Variants in ZNF649 observed in about 807,000 individuals in gnomAD.
ZNF649 encodes the protein zinc finger protein 649.
A neutral mutation model predicts 14.1 loss-of-function variants in ZNF649; 7 were observed. The ratio of observed to expected loss-of-function variants is 0.49; its 90% CI spans 0.28 to 0.93. The LOEUF (loss-of-function observed/expected upper bound fraction) is 0.93. ZNF649 is among the 40% of genes least tolerant of loss of function. ZNF649 has a pLI of 0.10. For synonymous variants in ZNF649, 227 were observed against 212.3 expected (o/e 1.07, Z -0.60); for missense variants, 544 against 608.1 (o/e 0.89, Z 1.11).
chr19:51,899,762 T>C, intron 2 of ZNF649: 1 of 271,982 alleles, frequency 3.7e-6, no homozygotes, highest in Admixed American at 5.3e-5. Flanking sequence ...ACGGACCCGC[T>C]TTCTCCTCAG....
chr19:51,903,072 G>C (rs73934699), intron 1 of ZNF649, among the ~76,000 whole-genome samples: 13,330 of 151,828 alleles, frequency 0.088, 1,839 homozygotes, highest in African/African-American at 0.29. Context: ...AGATGAAGAG[G>C]CAGATGGAAG....
At position 51,891,549 on chromosome 19, in the gene ZNF649, T is replaced by C. The variant is rs766553319; in HGVS notation, c.587A>G (p.His196Arg). The change falls in exon 5 of 5, where the codon CAT becomes CGT. Residue 196 changes from histidine (H) to arginine (R), a missense_variant. Transcript: ENST00000354957. The surrounding 1 kb of genome is among the most constrained non-coding windows in gnomAD (Gnocchi z 4.2). ...AFLKKSQLTE[H>R]KRIHTGKKPH... ...TTTCTTTCCTGTATGAATTCTCTTA[T>C]GCTCAGTGAGCTGAGACTTCTTGAG... is the stretch of plus-strand genomic sequence containing the variant. The C allele has an allele frequency of 7.4e-6, 12 of 1,614,160 alleles. No homozygotes were observed. The highest frequency in any genetic ancestry group is 1.0e-5 in the Non-Finnish European group (12 of 1,180,062).
chr19:51,903,405 C>CCAGT (rs1368584854), intron 1 of ZNF649, among the ~76,000 whole-genome samples: 2 of 152,166 alleles, frequency 1.3e-5, no homozygotes, highest in African/African-American at 4.8e-5. Context: ...CCAGAAGCCC[C>CCAGT]CAGTCACCAG....
Position 51,898,344 on chromosome 19 carries a change from C to A in ZNF649, c.16-1366G>T, listed in dbSNP as rs77067932. ...ACACTTCTGTCCAACTTGACCACAA[C>A]TGGAGGTTGCCACAACCTCCCTGCT... On this transcript the variant is annotated intron_variant, in intron 2 of 4. Transcript: ENST00000354957. Among the ~76,000 whole-genome samples the A allele has an allele frequency of 8.9e-3, 1,359 of 152,304 alleles. 26 individuals carry two copies. The highest frequency in any genetic ancestry group is 0.031 in the African/African-American group (1,280 of 41,574).
chr19:51,891,536 A>T lies in ZNF649; in HGVS notation c.600T>A (p.His200Gln). The change falls in exon 5 of 5, where the codon CAT (histidine) becomes CAA (glutamine). Residue 200 changes from histidine to glutamine, a missense_variant. Coordinates refer to ENST00000354957, the MANE Select transcript of ZNF649 (RefSeq NM_023074.4). The surrounding 1 kb of genome is among the most constrained non-coding windows in gnomAD (Gnocchi z 4.2). ...KSQLTEHKRI[H>Q]TGKKPHVCSL... ...TACACACGTGGGGTTTCTTTCCTGT[A>T]TGAATTCTCTTATGCTCAGTGAGCT... 6.2e-7 allele frequency: 1 copy of T among 1,614,146 alleles called. No individual in the cohort carries two copies. The highest frequency in any genetic ancestry group is 8.5e-7 in the Non-Finnish European group (1 of 1,180,030).
intron 2 of ZNF649, 116 bp from the exon 3 acceptor site, chr19:51,897,094 T>C: frequency 7.0e-7 from 1 of 1,420,656 alleles, no homozygotes; most frequent in Non-Finnish European, 9.8e-7. Flanking sequence ...TCCCTTGGTA[T>C]ACTCAATGGA....
chr19:51,900,375 G>A, intron 1 of ZNF649, 81 bp from the exon 2 acceptor site: 1 of 367,172 alleles, frequency 2.7e-6, no homozygotes, highest in Non-Finnish European at 4.9e-6. Context: ...AAACTCTCCT[G>A]CAGTCAAGGC....
intron 4 of ZNF649, among the ~76,000 whole-genome samples, chr19:51,892,454 A>C (rs1434596483): frequency 6.6e-6 from 1 of 152,060 alleles, no homozygotes; most frequent in Admixed American, 6.5e-5. Flanking sequence ...TGAGGTGGGA[A>C]GATCACTTGA....
In ZNF649 at chr19:51,891,726, G is replaced by A; in HGVS notation, c.410C>T (p.Ala137Val). 1 of 1,613,504 alleles carries A rather than the reference G, an allele frequency of 6.2e-7. No homozygotes were observed. Among genetic ancestry groups the A allele is most frequent in the Non-Finnish European group, 8.5e-7 (1 of 1,179,894 alleles). Residue 137 changes from alanine to valine, a missense_variant, in exon 5 of 5, where the codon GCT becomes GTT. Physicochemically the swap from Ala to Val is moderately conservative, Grantham distance 64 (BLOSUM62 0). Coordinates refer to ENST00000354957, the MANE Select transcript of ZNF649 (RefSeq NM_023074.4). The surrounding 1 kb of genome is among the most constrained non-coding windows in gnomAD (Gnocchi z 4.2). ...TTGTTCATGATTATCATGGAGAAAA[G>A]CTCCATCTCCATTAAACTCAGCAGG... Reference protein sequence around the residue: ...KEPAEFNGDGAFLHDNHEQMP... With the variant: ...KEPAEFNGDGVFLHDNHEQMP...
chr19:51,896,706 G>T (rs2085064816), intron 3 of ZNF649, 139 bp from the exon 4 acceptor site: 1 of 1,577,472 alleles, frequency 6.3e-7, no homozygotes, highest in African/African-American at 1.3e-5. Flanking sequence ...GACGAAGGAA[G>T]ATTATGCCTC....
chr19:51,891,900 AAGAG>A lies in ZNF649; in HGVS notation c.239-7_239-4del, dbSNP rs1568455037. 2 of 1,547,234 alleles carry A rather than the reference AAGAG, an allele frequency of 1.3e-6. No homozygotes were observed. Among genetic ancestry groups the A allele is most frequent in the Admixed American group, 4.4e-5 (2 of 45,698 alleles). On this transcript the variant is annotated splice_region_variant and splice_polypyrimidine_tract_variant and intron_variant, in intron 4 of 4. Coordinates refer to ENST00000354957, the MANE Select transcript of ZNF649 (RefSeq NM_023074.4). The surrounding 1 kb of genome is among the most constrained non-coding windows in gnomAD (Gnocchi z 4.2). ...ATGATCATCAGCTTTCTCAATTTCT[AAGAG>A]AGAGAACAATAAATCCTTCCATGAT...
At position 51,902,091 on chromosome 19, in the gene ZNF649, C is replaced by T. The variant is rs188877536; in HGVS notation, c.-187-1797G>A. 2.9e-4 allele frequency among the ~76,000 whole-genome samples: 44 copies of T among 152,158 alleles called. 1 individual carries two copies. The East Asian group carries it at 7.9e-3, about 27-fold the overall frequency. On this transcript the variant is annotated intron_variant, in intron 1 of 4. Coordinates refer to ENST00000354957, the MANE Select transcript of ZNF649 (RefSeq NM_023074.4). ...GCATTCTTCACCTCCAAAGAAATAG[C>T]GACAAAACACCATATTGAAAGCAGA...
intron 2 of ZNF649, among the ~76,000 whole-genome samples, chr19:51,899,555 G>A (rs2085083579): frequency 1.3e-5 from 2 of 152,166 alleles, no homozygotes; most frequent in Non-Finnish European, 2.9e-5. Flanking sequence ...GAAAAACTGT[G>A]TTCATTAAAC....
In ZNF649 at chr19:51,893,729, A is replaced by G. The variant is rs565619355; in HGVS notation, c.239-1832T>C. 3.9e-5 allele frequency among the ~76,000 whole-genome samples: 6 copies of G among 152,216 alleles called. No individual in the cohort carries two copies. The South Asian group carries it at 1.2e-3, about 32-fold the overall frequency. ...TTTTTTTTCCACTTTGCTGTCCCTA[A>G]TATACTAATTCCTCACCTTGCCACT... is the stretch of plus-strand genomic sequence containing the variant. On this transcript the variant is annotated intron_variant, in intron 4 of 4. Transcript: ENST00000354957.
intron 4 of ZNF649, among the ~76,000 whole-genome samples, chr19:51,893,018 T>G (rs1332310432): frequency 1.3e-5 from 2 of 152,160 alleles, no homozygotes; most frequent in African/African-American, 4.8e-5. Flanking sequence ...GACCACCAGA[T>G]GCTGACTAAC....
chr19:51,892,012 G>A, intron 4 of ZNF649, 115 bp from the exon 5 acceptor site: 1 of 1,171,074 alleles, frequency 8.5e-7, no homozygotes, highest in Non-Finnish European at 1.2e-6. Flanking sequence ...CAACATGGAA[G>A]GAATTCCAAG....
chr19:51,900,127 T>TA lies in ZNF649; in HGVS notation c.-21dup. Reference sequence around the variant, plus strand: ...TGTCATTTTCTTCTGTTTCAGGAAATACCCAAGAACTGGGATGCTTCGTCT... The same window carrying TA: ...TGTCATTTTCTTCTGTTTCAGGAAATAACCCAAGAACTGGGATGCTTCGTCT... On this transcript the variant is annotated 5_prime_UTR_variant, in exon 2 of 5. Coordinates refer to ENST00000354957, the MANE Select transcript of ZNF649 (RefSeq NM_023074.4). The TA allele has an allele frequency of 6.7e-7, 1 of 1,498,344 alleles. No individual in the cohort carries two copies. The highest frequency in any genetic ancestry group is 1.5e-5 in the South Asian group (1 of 68,628). The allele number at this position is 1,498,344 out of a possible 1,614,324, so 92.8% of individuals were successfully genotyped here.
Position 51,891,822 on chromosome 19 carries a change from T to C in ZNF649, c.314A>G (p.Tyr105Cys), listed in dbSNP as rs765071296. Residue 105 changes from tyrosine to cysteine, a missense_variant, in exon 5 of 5, where the codon TAT (tyrosine) becomes TGT (cysteine). Coordinates refer to ENST00000354957, the MANE Select transcript of ZNF649 (RefSeq NM_023074.4). The surrounding 1 kb of genome is among the most constrained non-coding windows in gnomAD (Gnocchi z 4.2). ...QKILKRTGQR[Y>C]EHGRTLKSYL... ...TGATTTCAAAGTTCTTCCGTGTTCA[T>C]AGCGTTGTCCCGTCCTCTTCAGTAT... 8.1e-6 allele frequency: 13 copies of C among 1,612,848 alleles called. No homozygotes were observed. In the East Asian group the frequency reaches 8.9e-5, roughly 11 times the overall value.
rs1467688187 is a variant in ZNF649 at position 51,891,178 on chromosome 19, A to G, written c.958T>C (p.Cys320Arg). The change falls in exon 5 of 5, where the codon TGC becomes CGC. Residue 320 changes from cysteine to arginine, a missense_variant. Coordinates refer to ENST00000354957, the MANE Select transcript of ZNF649 (RefSeq NM_023074.4). The surrounding 1 kb of genome is among the most constrained non-coding windows in gnomAD (Gnocchi z 4.2). Reference sequence around the variant, plus strand: ...ATGAAGCCTTTTCCACATTCACTGCATGTATGAGGCTTCTCTCCTGTATGA... The same window carrying G: ...ATGAAGCCTTTTCCACATTCACTGCGTGTATGAGGCTTCTCTCCTGTATGA... ...RTHTGEKPHT[C>R]SECGKGFIQK... 6.2e-7 allele frequency: 1 copy of G among 1,614,250 alleles called. No individual in the cohort carries two copies.
Sources: gnomAD v4.1 joint callset for allele counts (sites outside exome capture counted in the v4.1 genomes callset) on GRCh38, gnomAD v4.1.1 for gene constraint, Gnocchi (gnomAD v3.1) non-coding constraint, MANE v1.5 for transcripts, NCBI Gene and HGNC (gene_info 2026-07-23, HGNC 2026-07-21) for gene names.